The following KIAA0513 variants were observed in gnomAD, a reference collection of about 807,000 sequenced individuals.
KIAA0513 encodes uncharacterized protein KIAA0513.
KIAA0513 carries 39 observed loss-of-function variants against 56.5 expected under a neutral mutation model. The ratio of observed to expected loss-of-function variants is 0.69; its 90% CI spans 0.53 to 0.90. The LOEUF is 0.90. Ranked by LOEUF, KIAA0513 falls within the 40% of genes least tolerant of loss-of-function variation. The pLI is 0.00. For missense variants in KIAA0513, 591 were observed against 535.2 expected (o/e 1.10, Z -1.03); for synonymous variants, 268 against 215.6 (o/e 1.24, Z -2.13).
chr16:85,057,787 T>C (rs1318804237), intron 1 of KIAA0513, among the ~76,000 whole-genome samples: 2 of 150,152 alleles, frequency 1.3e-5, no homozygotes, highest in African/African-American at 4.9e-5. Context: ...TTTTTTTCTC[T>C]CTCTCTCCTT....
At chr16:85,056,074 C>A (rs367752695) in intron 1 of KIAA0513, among the ~76,000 whole-genome samples, 1 of 152,256 alleles carries the variant, frequency 6.6e-6, no homozygotes, top group South Asian at 2.1e-4. Flanking sequence ...CCCAGACCCC[C>A]CTGAAAGCCA....
At chr16:85,086,862 C>A in intron 11 of KIAA0513, 138 bp downstream of exon 11, 1 of 892,938 alleles carries the variant, frequency 1.1e-6, no homozygotes, top group Non-Finnish European at 1.7e-6. Flanking sequence ...GCCTCCATGC[C>A]AGCTCATAAT....
chr16:85,072,805 C>G (rs1316222511), intron 3 of KIAA0513, 120 bp from the exon 4 acceptor site: 5 of 958,596 alleles, frequency 5.2e-6, no homozygotes, highest in Non-Finnish European at 8.2e-6. Flanking sequence ...AGGCAGCAGA[C>G]ATCCTGGGCC....
chr16:85,084,664 G>C (rs1381737106), intron 10 of KIAA0513, among the ~76,000 whole-genome samples: 1 of 152,154 alleles, frequency 6.6e-6, no homozygotes, highest in African/African-American at 2.4e-5. Flanking sequence ...CCTGACCTCA[G>C]GTGGTCCACC....
intron 5 of KIAA0513, among the ~76,000 whole-genome samples, chr16:85,077,119 C>T (rs577768457): frequency 6.6e-6 from 1 of 152,318 alleles, no homozygotes; most frequent in Admixed American, 6.5e-5. Context: ...CGGGCCTCTG[C>T]CCTCGCCTGC....
intron 4 of KIAA0513, 62 bp downstream of exon 4, chr16:85,073,060 C>A: frequency 7.3e-7 from 1 of 1,366,172 alleles, no homozygotes. Flanking sequence ...CCCTGCCTCC[C>A]TCCCCACCCA....
intron 1 of KIAA0513, among the ~76,000 whole-genome samples, chr16:85,048,951 C>G (rs1247704130): frequency 2.0e-5 from 3 of 152,130 alleles, no homozygotes; most frequent in African/African-American, 7.2e-5. Flanking sequence ...ATTAAGAAAG[C>G]CTCAGCAAAG....
rs1487617928 is a variant in KIAA0513, at chr16:85,089,060, C to A, written c.*735C>A. ...CACAGCAGTGCCGAGGTGTCCGCGG[C>A]AGACCACACAGACCGTCTGAAATGC... On this transcript the variant is annotated 3_prime_UTR_variant, in exon 13 of 13. Coordinates refer to ENST00000683363, the MANE Select transcript of KIAA0513 (RefSeq NM_001388359.1). The surrounding 1 kb of genome is among the most constrained non-coding windows in gnomAD (Gnocchi z 4.2). 3 of 152,258 alleles carry A rather than the reference C, an allele frequency of 2.0e-5. No homozygotes were observed. The allele number at this position is 152,258 out of a possible 1,614,324, so 9.4% of individuals were successfully genotyped here. A position where few individuals can be genotyped will look rare whatever the true frequency, so the allele number is the denominator to read the frequency against.
Position 85,088,452 on chromosome 16 carries a change from C to G in KIAA0513, c.*127C>G, listed in dbSNP as rs1397641608. 1.4e-6 allele frequency: 1 copy of G among 733,866 alleles called. No individual in the cohort carries two copies. Among genetic ancestry groups the G allele is most frequent in the Admixed American group, 2.2e-5 (1 of 45,772 alleles). The allele number at this position is 733,866 out of a possible 1,614,324, so 45.5% of individuals were successfully genotyped here. ...AGCACCCAGAGCCACTCCTGCTGCC[C>G]TAGAACTAGCGGTTAGAAGAATCCG... On this transcript the variant is annotated 3_prime_UTR_variant, in exon 13 of 13. Transcript: ENST00000683363.
rs561337044 is a variant in KIAA0513 at position 85,079,088 on chromosome 16, T to G, written c.902+85T>G. 7.5e-6 allele frequency: 12 copies of G among 1,603,748 alleles called. No homozygotes were observed. The East Asian group carries it at 2.5e-4, about 33-fold the overall frequency. ...CCGGGATCACTTCTAGCTGCCTTTG[T>G]CCCCATCAGAATGGCAGAATTCTCA... is the stretch of plus-strand genomic sequence containing the variant. On this transcript the variant is annotated intron_variant, in intron 8 of 12. Coordinates refer to ENST00000683363, the MANE Select transcript of KIAA0513 (RefSeq NM_001388359.1).
intron 2 of KIAA0513, among the ~76,000 whole-genome samples, chr16:85,070,757 G>A (rs182986794): frequency 2.0e-5 from 3 of 152,324 alleles, no homozygotes; most frequent in East Asian, 1.9e-4. Context: ...CTTCCTACTC[G>A]TTTTGTTTGA....
Position 85,075,934 on chromosome 16 carries a change from A to T in KIAA0513, c.574+20A>T. The T allele has an allele frequency of 6.3e-7, 1 of 1,575,896 alleles. No individual in the cohort carries two copies. Among genetic ancestry groups the T allele is most frequent in the Non-Finnish European group, 8.7e-7 (1 of 1,145,318 alleles). On this transcript the variant is annotated intron_variant, in intron 5 of 12. Coordinates refer to ENST00000683363, the MANE Select transcript of KIAA0513 (RefSeq NM_001388359.1). Reference sequence around the variant, plus strand: ...ACATCGGTAAGACATGGGTGGGCTGATGTGGGGCTCACCTGAGGCTAGTCT... The same window carrying T: ...ACATCGGTAAGACATGGGTGGGCTGTTGTGGGGCTCACCTGAGGCTAGTCT...
At chr16:85,082,762 G>A (rs1036805889) in intron 10 of KIAA0513, among the ~76,000 whole-genome samples, 169 bp downstream of exon 10, 3 of 152,206 alleles carry the variant, frequency 2.0e-5, no homozygotes, top group Non-Finnish European at 2.9e-5. Context: ...TGAGGCCAGC[G>A]CTAGGGCAGG....
intron 1 of KIAA0513, among the ~76,000 whole-genome samples, chr16:85,047,722 G>C (rs2073191242): frequency 6.6e-6 from 1 of 152,090 alleles, no homozygotes; most frequent in Non-Finnish European, 1.5e-5. Context: ...AGAACCAGGT[G>C]ACCCCTTTCC....
chr16:85,062,289 G>A (rs1597618430), intron 1 of KIAA0513, among the ~76,000 whole-genome samples: 1 of 152,056 alleles, frequency 6.6e-6, no homozygotes, highest in African/African-American at 2.4e-5. Context: ...AGTAACCGAT[G>A]CATAGTAGAT....
intron 1 of KIAA0513, among the ~76,000 whole-genome samples, chr16:85,052,957 C>A (rs1435617585): frequency 6.6e-6 from 1 of 152,142 alleles, no homozygotes; most frequent in Non-Finnish European, 1.5e-5. Flanking sequence ...GTGGCACGAT[C>A]TCGGCTCACT....
chr16:85,054,421 C>CTTTTTTTT (rs398042273), intron 1 of KIAA0513, among the ~76,000 whole-genome samples: 52 of 119,526 alleles, frequency 4.4e-4, no homozygotes, highest in East Asian at 1.2e-3. Flanking sequence ...TTTTTCTTTT[C>CTTTTTTTT]TTTTTTTTTT....
At chr16:85,051,666 C>G (rs1597606072) in intron 1 of KIAA0513, among the ~76,000 whole-genome samples, 1 of 152,320 alleles carries the variant, frequency 6.6e-6, no homozygotes, top group African/African-American at 2.4e-5. Context: ...ACCATCTTGT[C>G]TCCCATGTTA....
At chr16:85,042,722 T>A (rs1257475460) in intron 1 of KIAA0513, among the ~76,000 whole-genome samples, 1 of 152,190 alleles carries the variant, frequency 6.6e-6, no homozygotes, top group Non-Finnish European at 1.5e-5. Flanking sequence ...TGCTGGGCAT[T>A]GTGGAAAAGA....
Sources: gnomAD v4.1 joint callset for allele counts (sites outside exome capture counted in the v4.1 genomes callset) on GRCh38, gnomAD v4.1.1 for gene constraint, Gnocchi (gnomAD v3.1) non-coding constraint, MANE v1.5 for transcripts, NCBI Gene and HGNC (gene_info 2026-07-23, HGNC 2026-07-21) for gene names.